The following COX10 variants were observed in gnomAD, a reference collection of about 807,000 sequenced individuals.
COX10 encodes the protein cytochrome c oxidase assembly factor heme A:farnesyltransferase COX10.
In COX10, 27 loss-of-function variants were observed where a neutral mutation model predicts 37.3. That is an observed-to-expected ratio of 0.72 (90% CI 0.53 to 1.00). COX10 has a LOEUF of 1.00. Ranked by LOEUF, COX10 falls within the 50% of genes least tolerant of loss-of-function variation. The pLI is 0.00. For synonymous variants in COX10, 222 were observed against 229.1 expected, an observed-to-expected ratio of 0.97 and a Z score of 0.28; for missense variants, 475 against 563.2, an observed-to-expected ratio of 0.84 and a Z score of 1.59.
At chr17:14,116,654 T>TACACACAC (rs71352451) in intron 4 of COX10, among the ~76,000 whole-genome samples, 20 of 150,506 alleles carry the variant, frequency 1.3e-4, no homozygotes, top group Non-Finnish European at 2.5e-4. Context: ...TGCATGCATG[T>TACACACAC]ACACACACAC....
intron 5 of COX10, among the ~76,000 whole-genome samples, chr17:14,160,172 T>G (rs1416153022): frequency 6.6e-6 from 1 of 152,180 alleles, no homozygotes; most frequent in Non-Finnish European, 1.5e-5. Flanking sequence ...TGGTAGTAAC[T>G]TATGTGATAT....
chr17:14,197,646 AT>A (rs771255827), intron 6 of COX10, among the ~76,000 whole-genome samples: 1 of 152,248 alleles, frequency 6.6e-6, no homozygotes, highest in Non-Finnish European at 1.5e-5. Context: ...GCAAATGTGA[AT>A]TGTTCTTGAT....
At chr17:14,189,890 G>T (rs187237066) in intron 5 of COX10, among the ~76,000 whole-genome samples, 9 of 152,290 alleles carry the variant, frequency 5.9e-5, no homozygotes, top group African/African-American at 1.7e-4. Flanking sequence ...AGCAAGAGGG[G>T]TATTACCTTG....
chr17:14,115,213 T>C (rs1916082723), intron 4 of COX10, among the ~76,000 whole-genome samples: 1 of 152,140 alleles, frequency 6.6e-6, no homozygotes. Context: ...AGATCTGTCA[T>C]TTAAAAATGA....
chr17:14,074,401 G>A lies in COX10; in HGVS notation c.122G>A (p.Arg41Lys). The change falls in exon 2 of 7, where the codon AGG (arginine) becomes AAG (lysine). Residue 41 changes from arginine to lysine, a missense_variant. Physicochemically the swap from Arg to Lys is conservative, Grantham distance 26 (BLOSUM62 2). Coordinates refer to ENST00000261643, the MANE Select transcript of COX10 (RefSeq NM_001303.4). ...DSPHKFLHLL[R>K]NVNKQWITFQ... ...CCTCACAAGTTCTTACATCTTCTCA[G>A]GAATGTCAATAAGCAGTGGATTACA... 1 of 1,613,978 alleles carries A rather than the reference G, an allele frequency of 6.2e-7. No homozygotes were observed. Among genetic ancestry groups the A allele is most frequent in the Non-Finnish European group, 8.5e-7 (1 of 1,179,878 alleles).
chr17:14,079,789 A>G (rs547291344), intron 3 of COX10, among the ~76,000 whole-genome samples: 71 of 152,166 alleles, frequency 4.7e-4, no homozygotes, highest in African/African-American at 1.7e-3. Context: ...ATATAGACAC[A>G]TATGCAGATA....
chr17:14,163,424 T>C (rs1215464439), intron 5 of COX10, among the ~76,000 whole-genome samples: 1 of 151,910 alleles, frequency 6.6e-6, no homozygotes, highest in Non-Finnish European at 1.5e-5. Flanking sequence ...CTGGCTAATT[T>C]TTTTGTATTT....
intron 4 of COX10, among the ~76,000 whole-genome samples, chr17:14,103,108 G>T (rs1015678): frequency 0.39 from 59,865 of 151,760 alleles, 12,122 homozygotes; most frequent in Admixed American, 0.43. Flanking sequence ...AAGTTTTTTT[G>T]TTGTTGTTGT....
At chr17:14,199,335 T>C (rs1435067305) in intron 6 of COX10, among the ~76,000 whole-genome samples, 1 of 152,216 alleles carries the variant, frequency 6.6e-6, no homozygotes, top group East Asian at 1.9e-4. Context: ...TGAATTAATA[T>C]TTAAGTGATA....
intron 4 of COX10, among the ~76,000 whole-genome samples, chr17:14,142,748 G>T (rs531273009): frequency 2.0e-5 from 3 of 152,250 alleles, no homozygotes; most frequent in South Asian, 2.1e-4. Context: ...TATTTTGTGT[G>T]TATATCAAAT....
chr17:14,107,741 T>C (rs906267771), intron 4 of COX10, among the ~76,000 whole-genome samples: 1 of 152,052 alleles, frequency 6.6e-6, no homozygotes, highest in African/African-American at 2.4e-5. Flanking sequence ...TACTCTGCTA[T>C]TAGCAAATTG....
At chr17:14,076,580 G>A (rs555327224) in intron 2 of COX10, among the ~76,000 whole-genome samples, 155 bp from the exon 3 acceptor site, 1 of 152,030 alleles carries the variant, frequency 6.6e-6, no homozygotes, top group South Asian at 2.1e-4. Context: ...TTTCCATATA[G>A]CACTCTATAA....
chr17:14,074,240 C>A, intron 1 of COX10, 83 bp from the exon 2 acceptor site: 1 of 1,521,372 alleles, frequency 6.6e-7, no homozygotes, highest in Non-Finnish European at 9.1e-7. Context: ...TAGTGGCTGG[C>A]TTTGCTTCTG....
intron 4 of COX10, among the ~76,000 whole-genome samples, chr17:14,148,974 A>G (rs1904811231): frequency 6.7e-6 from 1 of 148,302 alleles, no homozygotes. Context: ...GTTATATTTT[A>G]TAATATAAAA....
intron 4 of COX10, among the ~76,000 whole-genome samples, chr17:14,146,642 A>T (rs1487825107): frequency 2.0e-5 from 3 of 152,198 alleles, no homozygotes; most frequent in Non-Finnish European, 4.4e-5. Context: ...GACAAATGGG[A>T]TCACATCAAG....
intron 3 of COX10, among the ~76,000 whole-genome samples, chr17:14,082,416 C>T (rs1021312821): frequency 2.6e-5 from 4 of 152,092 alleles, no homozygotes; most frequent in Non-Finnish European, 4.4e-5. Flanking sequence ...ATTGCTGTGT[C>T]TTCTTAGACT....
At chr17:14,076,359 G>A (rs1915151452) in intron 2 of COX10, among the ~76,000 whole-genome samples, 1 of 152,064 alleles carries the variant, frequency 6.6e-6, no homozygotes, top group Non-Finnish European at 1.5e-5. Context: ...ACAGTCATGA[G>A]CCACTGTGCC....
intron 3 of COX10, among the ~76,000 whole-genome samples, chr17:14,091,516 A>G (rs544264517): frequency 1.3e-5 from 2 of 152,332 alleles, no homozygotes; most frequent in South Asian, 4.1e-4. Flanking sequence ...AATAGGAATA[A>G]ATGAAAATTC....
intron 2 of COX10, among the ~76,000 whole-genome samples, chr17:14,075,489 C>T (rs1355857478): frequency 6.6e-6 from 1 of 152,066 alleles, no homozygotes; most frequent in Non-Finnish European, 1.5e-5. Context: ...GCTTAGTTTC[C>T]TTATCTGTAA....
Sources: allele counts gnomAD v4.1 joint callset (sites outside exome capture counted in the v4.1 genomes callset), GRCh38; gene constraint gnomAD v4.1.1; transcripts MANE v1.5; gene names NCBI Gene and HGNC (gene_info 2026-07-23, HGNC 2026-07-21).